MYO5C: variants seen among roughly 807,000 people sequenced by gnomAD.
MYO5C encodes the protein myosin VC.
A neutral mutation model predicts 235.7 loss-of-function variants in MYO5C; 194 were observed. That is an observed-to-expected ratio of 0.82 (90% confidence interval 0.73 to 0.93). The LOEUF is 0.93. Among genes scored for constraint, MYO5C ranks in the 40% least tolerant of loss-of-function variants. The pLI is 0.00. For missense variants in MYO5C, 2,038 were observed against 2,127.2 expected, an observed-to-expected ratio of 0.96 and a Z score of 0.82; for synonymous variants, 707 against 754.8, an observed-to-expected ratio of 0.94 and a Z score of 1.04.
intron 1 of MYO5C, among the ~76,000 whole-genome samples, chr15:52,285,476 CTCCTCTCCCTCCTCTCCG>C (rs1011345502): frequency 9.3e-5 from 14 of 151,322 alleles, no homozygotes; most frequent in Admixed American, 5.3e-4. Context: ...CCTCCTCTCC[CTCCTCTCCCTCCTCTCCG>C]TCCTCTCCCT....
chr15:52,204,805 G>C (rs935542662), intron 38 of MYO5C, 60 bp downstream of exon 38: 2 of 1,572,838 alleles, frequency 1.3e-6, no homozygotes, highest in Admixed American at 3.5e-5. Flanking sequence ...TGGGGCCTCG[G>C]ACTTCAAGAG....
rs772671632 is a variant in MYO5C, at chr15:52,246,982, G to A, written c.1914C>T (p.Thr638=). The part of the protein sequence containing the change: ...FRSSLYLLME[T]LNATTPHYVR... ...CGTAGTGGGGCGTCGTCGCATTGAG[G>A]GTCTCCATGAGCAAGTACAGAGAGC... The change falls in exon 16 of 41, where the codon ACC becomes ACT. Residue 638 remains threonine (T), a synonymous_variant. Transcript: ENST00000261839. 3.9e-5 allele frequency: 63 copies of A among 1,613,832 alleles called. No homozygotes were observed. Among genetic ancestry groups the A allele is most frequent in the Non-Finnish European group, 5.0e-5 (59 of 1,179,928 alleles).
intron 1 of MYO5C, among the ~76,000 whole-genome samples, chr15:52,291,745 T>TTTTTTTTG (rs1555422099): frequency 3.9e-5 from 4 of 103,712 alleles, no homozygotes; most frequent in Non-Finnish European, 8.2e-5. Context: ...TTTTTTTTTT[T>TTTTTTTTG]TTTTTTTTTT....
At chr15:52,197,661 T>G (rs1467415283) in intron 38 of MYO5C, among the ~76,000 whole-genome samples, 2 of 152,140 alleles carry the variant, frequency 1.3e-5, no homozygotes, top group African/African-American at 4.8e-5. Context: ...AGATGGAGTC[T>G]CCCTCTATCA....
At chr15:52,275,438 C>T in intron 5 of MYO5C, 124 bp downstream of exon 5, 2 of 1,234,896 alleles carry the variant, frequency 1.6e-6, no homozygotes, top group South Asian at 2.8e-5. Context: ...CTTCCCGGGT[C>T]TTTCCTGCCC....
At chr15:52,276,303 C>T (rs1285983351) in intron 4 of MYO5C, among the ~76,000 whole-genome samples, 1 of 152,178 alleles carries the variant, frequency 6.6e-6, no homozygotes, top group East Asian at 1.9e-4. Flanking sequence ...GGGGAAAAGG[C>T]ACACGGGGCA....
chr15:52,203,474 T>G (rs1248704785), intron 38 of MYO5C, among the ~76,000 whole-genome samples: 1 of 152,060 alleles, frequency 6.6e-6, no homozygotes, highest in Non-Finnish European at 1.5e-5. Context: ...GCCTCCCGAG[T>G]AGCTGGGATT....
Position 52,205,966 on chromosome 15 carries a change from C to G in MYO5C, c.4387G>C (p.Glu1463Gln). ...NCLKQYSGEEEFMKHNSPQQN... is the reference protein window; with the variant it reads ...NCLKQYSGEEQFMKHNSPQQN... ...TGTGGACTATTATGCTTCATGAATT[C>G]CTAAAAGTAATTTTAAACATAAAAT... is the stretch of plus-strand genomic sequence containing the variant. The change falls in exon 37 of 41, where the codon GAA (glutamate) becomes CAA (glutamine). Residue 1463 changes from glutamate to glutamine, a missense_variant and splice_region_variant. Transcript: ENST00000261839. 1.3e-6 allele frequency: 2 copies of G among 1,509,630 alleles called. No homozygotes were observed. The highest frequency in any genetic ancestry group is 1.3e-5 in the South Asian group (1 of 75,390). The allele number at this position is 1,509,630 out of a possible 1,614,324, so 93.5% of individuals were successfully genotyped here.
chr15:52,232,600 T>G, intron 24 of MYO5C, 22 bp downstream of exon 24: 2 of 1,611,544 alleles, frequency 1.2e-6, no homozygotes, highest in Non-Finnish European at 1.7e-6. Flanking sequence ...AAAGTAGCTT[T>G]AAGGCAAACT....
At position 52,232,627 on chromosome 15, in the gene MYO5C, TTG is replaced by T. The variant is rs781116602; in HGVS notation, c.3019_3020del (p.Gln1007LysfsTer5). The T allele has an allele frequency of 1.6e-5, 26 of 1,613,810 alleles. No homozygotes were observed. The highest frequency in any genetic ancestry group is 2.1e-5 in the Non-Finnish European group (25 of 1,179,946). On this transcript the variant is annotated frameshift_variant, in exon 24 of 41. Coordinates refer to ENST00000261839, the MANE Select transcript of MYO5C (RefSeq NM_018728.4). LOFTEE classifies it high-confidence loss of function. ...LFDDVQKEER[Q>X]RMLLEKSFEL... ...AGGCAAACTAGATTCCATACATTCT[TTG>T]CCGTTCTTCCTTTTGTACATCATCA...
At chr15:52,274,675 C>CCCA (rs1555420138) in intron 5 of MYO5C, among the ~76,000 whole-genome samples, 1 of 148,268 alleles carries the variant, frequency 6.7e-6, no homozygotes, top group East Asian at 2.4e-4. Flanking sequence ...TTAGTACCCC[C>CCCA]CCCCCGACAT....
chr15:52,235,908 C>T, intron 22 of MYO5C, 145 bp from the exon 23 acceptor site: 1 of 581,370 alleles, frequency 1.7e-6, no homozygotes, highest in Admixed American at 3.1e-5. Flanking sequence ...CGAGCACCAG[C>T]CACTGTAAGA....
intron 21 of MYO5C, among the ~76,000 whole-genome samples, chr15:52,239,076 A>G (rs1319914567): frequency 1.3e-5 from 2 of 151,252 alleles, no homozygotes; most frequent in African/African-American, 4.9e-5. Flanking sequence ...CTCAGCCTCC[A>G]GAGTAGCTGG....
At chr15:52,249,876 C>A (rs1022379381) in intron 13 of MYO5C, among the ~76,000 whole-genome samples, 2 of 152,164 alleles carry the variant, frequency 1.3e-5, no homozygotes, top group Non-Finnish European at 2.9e-5. Context: ...ATTTCCCTGG[C>A]CAATGAGATT....
chr15:52,230,752 T>TAAAA (rs34193327), intron 24 of MYO5C, among the ~76,000 whole-genome samples: 6 of 148,552 alleles, frequency 4.0e-5, no homozygotes, highest in Non-Finnish European at 7.4e-5. Flanking sequence ...CCAGGTTTTT[T>TAAAA]AAAAAAAAAC....
At chr15:52,232,517 C>T in intron 24 of MYO5C, 105 bp downstream of exon 24, 1 of 1,052,110 alleles carries the variant, frequency 9.5e-7, no homozygotes. Context: ...CAGTCACACC[C>T]CACTTTCTTG....
chr15:52,260,756 T>C (rs2036676690), intron 10 of MYO5C, 106 bp downstream of exon 10: 2 of 1,289,086 alleles, frequency 1.6e-6, no homozygotes, highest in South Asian at 1.4e-5. Flanking sequence ...GAATGTTATC[T>C]TTCTAATCAT....
intron 33 of MYO5C, among the ~76,000 whole-genome samples, chr15:52,214,187 A>G (rs1446831197): frequency 6.6e-6 from 1 of 152,228 alleles, no homozygotes; most frequent in East Asian, 1.9e-4. Context: ...TATGTGTGCC[A>G]TGCAGTCCAT....
At position 52,295,682 on chromosome 15, in the gene MYO5C, G is replaced by A. The variant is rs913399669; in HGVS notation, c.-46C>T. On this transcript the variant is annotated 5_prime_UTR_variant, in exon 1 of 41. Coordinates refer to ENST00000261839, the MANE Select transcript of MYO5C (RefSeq NM_018728.4). ...AGGCCGGGGCTGCCGAACGTGCGAG[G>A]CTCGGGGGCTGGGCCTGCGCCGCAG... 3 of 1,331,914 alleles carry A rather than the reference G, an allele frequency of 2.3e-6. No individual in the cohort carries two copies. The highest frequency in any genetic ancestry group is 3.1e-5 in the African/African-American group (2 of 64,842). 82.5% of individuals were successfully genotyped at this position (1,331,914 alleles called of 1,614,324 possible).
Sources: gnomAD v4.1 joint callset for allele counts (sites outside exome capture counted in the v4.1 genomes callset) on GRCh38, gnomAD v4.1.1 for gene constraint, MANE v1.5 for transcripts, NCBI Gene and HGNC (gene_info 2026-07-23, HGNC 2026-07-21) for gene names.